The following DIS3L2 variants were observed in gnomAD, a reference collection of about 807,000 sequenced individuals.
DIS3L2 encodes the protein DIS3 like 3'-5' exoribonuclease 2.
DIS3L2 carries 34 observed loss-of-function variants against 97.5 expected under a neutral mutation model. That is an observed-to-expected ratio of 0.35 (90% CI 0.27 to 0.46). The LOEUF (loss-of-function observed/expected upper bound fraction) is 0.46. DIS3L2 is among the 20% of genes least tolerant of loss of function. The probability of loss-of-function intolerance (pLI) is 1.00; values close to 1 mark genes in which losing one functional copy is unlikely to be tolerated. For synonymous variants in DIS3L2, 435 were observed against 445.2 expected (o/e 0.98, Z 0.29); for missense variants, 1,038 against 1,146.0 (o/e 0.91, Z 1.36).
At chr2:232,116,679 C>T (rs988560702) in intron 6 of DIS3L2, among the ~76,000 whole-genome samples, 2 of 152,156 alleles carry the variant, frequency 1.3e-5, no homozygotes, top group Non-Finnish European at 2.9e-5. Flanking sequence ...AAAACTGGGT[C>T]GTGTGGCTCT....
At chr2:232,120,019 CA>C (rs1697848869) in intron 6 of DIS3L2, among the ~76,000 whole-genome samples, 1 of 151,944 alleles carries the variant, frequency 6.6e-6, no homozygotes, top group South Asian at 2.1e-4. Flanking sequence ...TTTTTCCCCC[CA>C]GTCTCTGCCC....
intron 9 of DIS3L2, among the ~76,000 whole-genome samples, chr2:232,188,987 C>T (rs1428060720): frequency 2.0e-5 from 3 of 152,146 alleles, no homozygotes; most frequent in African/African-American, 7.2e-5. Context: ...ACGACCCATT[C>T]GAGAATGCAA....
chr2:232,335,747 C>T, intron 19 of DIS3L2, 26 bp from the exon 20 acceptor site: 1 of 1,548,794 alleles, frequency 6.5e-7, no homozygotes, highest in African/African-American at 1.4e-5. Context: ...AGAGCTGAGG[C>T]CTGAGGCTTG....
intron 14 of DIS3L2, among the ~76,000 whole-genome samples, chr2:232,310,203 G>A (rs187848125): frequency 6.6e-6 from 1 of 152,316 alleles, no homozygotes; most frequent in Non-Finnish European, 1.5e-5. Context: ...TCCTGATGAA[G>A]CCTTAGTTTA....
intron 5 of DIS3L2, among the ~76,000 whole-genome samples, chr2:232,051,748 C>T (rs1414211776): frequency 1.6e-5 from 2 of 126,382 alleles, no homozygotes; most frequent in African/African-American, 3.0e-5. Context: ...GGAGGCGGAG[C>T]TTGCAGTGAG....
intron 9 of DIS3L2, among the ~76,000 whole-genome samples, chr2:232,196,215 T>G (rs1458596501): frequency 6.6e-6 from 1 of 152,172 alleles, no homozygotes; most frequent in South Asian, 2.1e-4. Flanking sequence ...TGATCCTCCC[T>G]CCTTGGCCTC....
chr2:232,166,343 TGCGCGC>T (rs1043769961), intron 9 of DIS3L2, among the ~76,000 whole-genome samples: 12 of 151,202 alleles, frequency 7.9e-5, no homozygotes, highest in African/African-American at 2.7e-4. Flanking sequence ...CACACACGCG[TGCGCGC>T]GCGCCCTGTG....
chr2:232,210,836 G>A (rs1692169037), intron 10 of DIS3L2, among the ~76,000 whole-genome samples: 2 of 151,840 alleles, frequency 1.3e-5, no homozygotes, highest in South Asian at 2.1e-4. Flanking sequence ...CATGCTTCTC[G>A]GTGGGTAGCA....
intron 1 of DIS3L2, among the ~76,000 whole-genome samples, chr2:232,012,318 G>A (rs185962868): frequency 6.9e-4 from 105 of 152,260 alleles, no homozygotes; most frequent in African/African-American, 2.4e-3. Context: ...GACAAGTTAG[G>A]TGTTACTCAC....
chr2:232,241,911 G>A (rs1171396024), intron 11 of DIS3L2, among the ~76,000 whole-genome samples: 1 of 152,126 alleles, frequency 6.6e-6, no homozygotes, highest in Non-Finnish European at 1.5e-5. Flanking sequence ...TGTTATTTTA[G>A]GTGCGAAACA....
intron 6 of DIS3L2, among the ~76,000 whole-genome samples, chr2:232,108,538 G>A (rs1435581043): frequency 6.6e-6 from 1 of 152,168 alleles, no homozygotes; most frequent in South Asian, 2.1e-4. Context: ...ACATAGTATT[G>A]GAAGTTCTGC....
chr2:232,106,664 T>G (rs1300037357), intron 6 of DIS3L2, among the ~76,000 whole-genome samples: 1 of 152,158 alleles, frequency 6.6e-6, no homozygotes, highest in African/African-American at 2.4e-5. Context: ...GCGAGAGACT[T>G]TAACACCCCA....
At chr2:232,025,074 A>G (rs1694620956) in intron 4 of DIS3L2, among the ~76,000 whole-genome samples, 1 of 152,154 alleles carries the variant, frequency 6.6e-6, no homozygotes, top group African/African-American at 2.4e-5. Flanking sequence ...AGATGACGAA[A>G]TGGGATACAT....
intron 14 of DIS3L2, 28 bp from the exon 15 acceptor site, chr2:232,329,785 T>TGCCCGGGGGGGGCCCCCCCCCC: frequency 1.0e-6 from 1 of 967,142 alleles, no homozygotes; most frequent in Non-Finnish European, 1.5e-6. Context: ...ACCCCAGCGG[T>TGCCCGGGGGGGGCCCCCCCCCC]CCCTCCCATC....
intron 11 of DIS3L2, among the ~76,000 whole-genome samples, chr2:232,239,644 T>C (rs1375608926): frequency 6.6e-6 from 1 of 152,190 alleles, no homozygotes; most frequent in Non-Finnish European, 1.5e-5. Flanking sequence ...TATTTGCTCA[T>C]TGACTGCCCT....
At chr2:232,284,013 A>G (rs1406264265) in intron 13 of DIS3L2, among the ~76,000 whole-genome samples, 1 of 151,708 alleles carries the variant, frequency 6.6e-6, no homozygotes, top group Non-Finnish European at 1.5e-5. Flanking sequence ...TTTCTATACT[A>G]CCTTTGCAAT....
At chr2:232,343,580 GC>G (rs780838516) in exon 14 of DIS3L2, 1 of 1,575,510 alleles carries the variant, frequency 6.3e-7, no homozygotes, top group Non-Finnish European at 8.6e-7. Flanking sequence ...ATTTGAAGAA[GC>G]ATGTGGAATT....
intron 3 of DIS3L2, among the ~76,000 whole-genome samples, chr2:232,018,526 C>T (rs1169831784): frequency 6.6e-6 from 1 of 152,086 alleles, no homozygotes; most frequent in African/African-American, 2.4e-5. Flanking sequence ...GTGTGCAAGC[C>T]TTGCGGGGTA....
downstream of DIS3L2, chr2:232,339,782 G>A: frequency 2.2e-6 from 1 of 453,570 alleles, no homozygotes; most frequent in South Asian, 1.6e-5. Flanking sequence ...AGGCAGGATG[G>A]GATGTGCAGC....
Sources: allele counts gnomAD v4.1 joint callset (sites outside exome capture counted in the v4.1 genomes callset), GRCh38; gene constraint gnomAD v4.1.1; transcripts MANE v1.5; gene names NCBI Gene and HGNC (gene_info 2026-07-23, HGNC 2026-07-21).